The following IGLL5 variants were observed in gnomAD, a reference collection of about 807,000 sequenced individuals.
IGLL5 encodes the protein immunoglobulin lambda like polypeptide 5, also known as immunoglobulin lambda-like polypeptide 5.
Under a neutral mutation model 20.9 loss-of-function variants are expected in IGLL5, and 30 were observed. The observed-to-expected ratio is 1.44, with a 90% confidence interval of 1.07 to 1.95. The LOEUF is 1.95. Among genes scored for constraint, IGLL5 ranks in the 30% most tolerant of loss-of-function variants. The probability of loss-of-function intolerance (pLI) is 0.00; values close to 1 mark genes in which losing one functional copy is unlikely to be tolerated. For synonymous variants in IGLL5, 203 were observed against 117.3 expected, an observed-to-expected ratio of 1.73 and a Z score of -4.72; for missense variants, 475 against 270.7, an observed-to-expected ratio of 1.75 and a Z score of -5.30.
Position 22,895,772 on chromosome 22 carries a change from TC to T in IGLL5, c.*79del, listed in dbSNP as rs1355285595. On this transcript the variant is annotated 3_prime_UTR_variant, in exon 3 of 3. Coordinates refer to ENST00000526893, the MANE Select transcript of IGLL5 (RefSeq NM_001178126.2). ...GAGGGGTCTCTCTCCCCATCCCAAGTCATCCAGCCCTTCTCCCTGCACTCAT... is the reference window on the plus strand; with the variant it reads ...GAGGGGTCTCTCTCCCCATCCCAAGTATCCAGCCCTTCTCCCTGCACTCAT... The T allele has an allele frequency of 3.1e-5, 42 of 1,348,516 alleles. No homozygotes were observed. Among genetic ancestry groups the T allele is most frequent in the Admixed American group, 1.2e-4 (7 of 59,022 alleles). The allele number at this position is 1,348,516 out of a possible 1,614,324, so 83.5% of individuals were successfully genotyped here. A position where few individuals can be genotyped will look rare whatever the true frequency, so the allele number is the denominator to read the frequency against.
intron 2 of IGLL5, among the ~76,000 whole-genome samples, chr22:22,894,949 G>A (rs540111113): frequency 4.0e-5 from 6 of 151,476 alleles, no homozygotes; most frequent in Middle Eastern, 3.7e-3. Context: ...TACAGGATGA[G>A]CAGGGGACCC....
intron 2 of IGLL5, among the ~76,000 whole-genome samples, chr22:22,895,020 A>G (rs1601629943): frequency 6.6e-6 from 1 of 151,446 alleles, no homozygotes; most frequent in African/African-American, 2.4e-5. Flanking sequence ...AGGGGGGTAT[A>G]GGGATGGAAA....
rs551883024 is a variant in IGLL5, at chr22:22,892,078, T to C, written c.207-1622T>C. 4.7e-4 allele frequency among the ~76,000 whole-genome samples: 71 copies of C among 151,408 alleles called. 1 individual carries two copies. Among genetic ancestry groups the C allele is most frequent in the African/African-American group, 1.7e-3 (71 of 41,318 alleles). ...AAAAGTGAGACTAGACAACCTTGCC[T>C]TGTTTCTGATTCTTTAAATGTTTTG... On this transcript the variant is annotated intron_variant, in intron 1 of 2. Transcript: ENST00000526893.
intron 1 of IGLL5, 137 bp downstream of exon 1, chr22:22,888,396 A>T (rs184553832): frequency 2.1e-5 from 14 of 676,710 alleles, no homozygotes; most frequent in Admixed American, 5.9e-5. Context: ...TGGCTTTAGT[A>T]ATGGGTTGAT....
rs1198824707 is a variant in IGLL5 at position 22,888,025 on chromosome 22, G to A, written c.-29G>A. ...CCAGGGAGCCCATGCTGCAAGTCGG[G>A]CCAGAGGTGCCCCTGAACCTGAAGG... On this transcript the variant is annotated 5_prime_UTR_variant, in exon 1 of 3. Transcript: ENST00000526893. 3.9e-6 allele frequency: 6 copies of A among 1,540,310 alleles called. No individual in the cohort carries two copies. The highest frequency in any genetic ancestry group is 2.8e-5 in the African/African-American group (2 of 72,606).
chr22:22,889,314 G>T (rs1220131081), intron 1 of IGLL5, among the ~76,000 whole-genome samples: 1 of 150,970 alleles, frequency 6.6e-6, no homozygotes, highest in Non-Finnish European at 1.5e-5. Flanking sequence ...GAGCAGAGGG[G>T]AGCAGACACG....
At chr22:22,894,020 A>T (rs556962860) in intron 2 of IGLL5, among the ~76,000 whole-genome samples, 6 of 151,510 alleles carry the variant, frequency 4.0e-5, no homozygotes, top group Admixed American at 2.0e-4. Flanking sequence ...AGCCGGATGC[A>T]GCCTGGTCCC....
intron 1 of IGLL5, among the ~76,000 whole-genome samples, chr22:22,889,418 T>C (rs148451685): frequency 4.0e-5 from 6 of 151,260 alleles, no homozygotes; most frequent in Admixed American, 1.3e-4. Context: ...AACTGGGCAA[T>C]TCCACTTCTA....
Position 22,895,885 on chromosome 22 carries a change from G to A in IGLL5, c.*191G>A, listed in dbSNP as rs1601632542. 7.5e-6 allele frequency: 5 copies of A among 662,664 alleles called. No homozygotes were observed. The highest frequency in any genetic ancestry group is 1.3e-5 in the Non-Finnish European group (5 of 377,166). 41.0% of individuals were successfully genotyped at this position (662,664 alleles called of 1,614,324 possible). On this transcript the variant is annotated 3_prime_UTR_variant, in exon 3 of 3. Coordinates refer to ENST00000526893, the MANE Select transcript of IGLL5 (RefSeq NM_001178126.2). ...CACATAAATTGCTAGCCTCCCCGGG[G>A]TTCTCAGTGTGGGGTACAGGGAATT...
intron 1 of IGLL5, 32 bp downstream of exon 1, chr22:22,888,291 G>T: frequency 3.9e-6 from 6 of 1,539,462 alleles, no homozygotes; most frequent in South Asian, 1.2e-5. Context: ...GGGATGTGGG[G>T]GTCCTGCAGC....
chr22:22,889,365 T>C (rs537179868), intron 1 of IGLL5, among the ~76,000 whole-genome samples: 2 of 151,220 alleles, frequency 1.3e-5, no homozygotes, highest in Admixed American at 1.3e-4. Flanking sequence ...TATAACCATT[T>C]TAGCAACAGG....
rs979829951 is a variant in IGLL5, at chr22:22,888,304, A to G, written c.206+45A>G. On this transcript the variant is annotated intron_variant, in intron 1 of 2. Transcript: ENST00000526893. Reference sequence around the variant, plus strand: ...AGGGGATGTGGGGGTCCTGCAGCAGAGCTGGGAAAGGGTGACCAAGGGGAG... The same window carrying G: ...AGGGGATGTGGGGGTCCTGCAGCAGGGCTGGGAAAGGGTGACCAAGGGGAG... 8 of 1,530,032 alleles carry G rather than the reference A, an allele frequency of 5.2e-6. 1 individual carries two copies. Among genetic ancestry groups the G allele is most frequent in the Non-Finnish European group, 5.3e-6 (6 of 1,132,886 alleles). 94.8% of individuals were successfully genotyped at this position (1,530,032 alleles called of 1,614,324 possible).
At chr22:22,891,305 C>A (rs1184434358) in intron 1 of IGLL5, among the ~76,000 whole-genome samples, 1 of 150,996 alleles carries the variant, frequency 6.6e-6, no homozygotes, top group Non-Finnish European at 1.5e-5. Context: ...AATAGGAAAG[C>A]CAATCATCAC....
rs536212139 is a variant in IGLL5 at position 22,888,139 on chromosome 22, T to C, written c.86T>C (p.Leu29Pro). 3.2e-6 allele frequency: 5 copies of C among 1,549,768 alleles called. No individual in the cohort carries two copies. The highest frequency in any genetic ancestry group is 2.5e-5 in the East Asian group (1 of 40,702). The change falls in exon 1 of 3, where the codon CTG (leucine) becomes CCG (proline). Residue 29 changes from leucine to proline, a missense_variant. By Grantham distance (98) the Leu-to-Pro change is moderately conservative. Coordinates refer to ENST00000526893, the MANE Select transcript of IGLL5 (RefSeq NM_001178126.2). ...GPRQRWPLLL[L>P]GLAMVAHGLL... ...AGGCAGCGCTGGCCCCTGCTGCTGC[T>C]GGGTCTGGCCATGGTCGCCCATGGC...
At chr22:22,893,984 G>C (rs189096074) in intron 2 of IGLL5, among the ~76,000 whole-genome samples, 166 bp downstream of exon 2, 8 of 151,410 alleles carry the variant, frequency 5.3e-5, no homozygotes, top group South Asian at 4.2e-4. Flanking sequence ...CGGGTAACCG[G>C]CAGGAAGGGC....
At chr22:22,888,350 G>T in intron 1 of IGLL5, 91 bp downstream of exon 1, 2 of 1,260,086 alleles carry the variant, frequency 1.6e-6, no homozygotes, top group East Asian at 2.6e-5. Flanking sequence ...GGAGTGAGGA[G>T]GAAGGTTAAC....
chr22:22,893,905 C>A (rs568747848), intron 2 of IGLL5, 87 bp downstream of exon 2: 1 of 922,022 alleles, frequency 1.1e-6, no homozygotes, highest in Non-Finnish European at 1.8e-6. Flanking sequence ...TTCCTCCCCT[C>A]TGTCCTCCCA....
intron 2 of IGLL5, among the ~76,000 whole-genome samples, chr22:22,894,858 A>T (rs559114927): frequency 1.3e-5 from 2 of 151,308 alleles, no homozygotes; most frequent in Admixed American, 6.6e-5. Flanking sequence ...GCTGGGGCAG[A>T]GCCCGGTGCC....
chr22:22,894,078 A>C (rs1601623272), intron 2 of IGLL5, among the ~76,000 whole-genome samples: 1 of 151,368 alleles, frequency 6.6e-6, no homozygotes, highest in East Asian at 2.0e-4. Flanking sequence ...CCTCTCTTCC[A>C]GGGCAGATGT....
Sources: gnomAD v4.1 joint callset for allele counts (sites outside exome capture counted in the v4.1 genomes callset) on GRCh38, gnomAD v4.1.1 for gene constraint, MANE v1.5 for transcripts, NCBI Gene and HGNC (gene_info 2026-07-23, HGNC 2026-07-21) for gene names.